Variants in RBFOX1 observed in about 807,000 individuals in gnomAD.
RBFOX1 encodes RNA binding fox-1 homolog 1.
Under a neutral mutation model 57.7 loss-of-function variants are expected in RBFOX1, and 8 were observed. The ratio of observed to expected loss-of-function variants is 0.14; its 90% CI spans 0.08 to 0.25. RBFOX1 has a LOEUF of 0.25. RBFOX1 is among the 10% of genes least tolerant of loss of function. RBFOX1 has a pLI of 1.00. For synonymous variants in RBFOX1, 326 were observed against 222.4 expected (o/e 1.47, Z -4.15); for missense variants, 611 against 548.5 (o/e 1.11, Z -1.14).
At chr16:6,863,534 T>C (rs1341712956) in intron 3 of RBFOX1, among the ~76,000 whole-genome samples, 1 of 151,980 alleles carries the variant, frequency 6.6e-6, no homozygotes, top group Non-Finnish European at 1.5e-5. Context: ...TAATTACAAT[T>C]ATTTTCTGGT....
chr16:5,863,059 C>T (rs1022374163), intron 3 of RBFOX1, among the ~76,000 whole-genome samples: 7 of 152,106 alleles, frequency 4.6e-5, no homozygotes, highest in East Asian at 1.9e-4. Flanking sequence ...CTTTGGAGTT[C>T]GACCTGAGTT....
intron 4 of RBFOX1, among the ~76,000 whole-genome samples, chr16:7,234,942 T>A (rs140938985): frequency 1.3e-5 from 2 of 152,182 alleles, no homozygotes; most frequent in African/African-American, 4.8e-5. Flanking sequence ...TAGACTTGCT[T>A]TTATGCCTGT....
chr16:6,857,896 C>G (rs1451990782), intron 3 of RBFOX1, among the ~76,000 whole-genome samples: 3 of 152,144 alleles, frequency 2.0e-5, no homozygotes, highest in African/African-American at 7.2e-5. Context: ...AGCTAATGAG[C>G]CTATCCCACA....
chr16:7,268,587 G>C (rs2095237730), intron 4 of RBFOX1, among the ~76,000 whole-genome samples: 1 of 152,200 alleles, frequency 6.6e-6, no homozygotes. Context: ...TTATGCGCTG[G>C]ATGGTTTGCA....
chr16:6,045,067 C>T (rs1347028130), intron 1 of RBFOX1, among the ~76,000 whole-genome samples: 1 of 152,170 alleles, frequency 6.6e-6, no homozygotes, highest in African/African-American at 2.4e-5. Context: ...TGGGGCTGTT[C>T]TTAAGCATCC....
At chr16:5,622,701 G>GCTACAATATC (rs1180167685) in intron 3 of RBFOX1, among the ~76,000 whole-genome samples, 1 of 152,202 alleles carries the variant, frequency 6.6e-6, no homozygotes, top group Non-Finnish European at 1.5e-5. Context: ...TGGCTTTCCT[G>GCTACAATATC]CTACAATATC....
intron 13 of RBFOX1, among the ~76,000 whole-genome samples, chr16:7,672,603 C>T (rs1018357252): frequency 2.0e-5 from 3 of 152,006 alleles, no homozygotes; most frequent in African/African-American, 7.2e-5. Context: ...TGGCTCACAC[C>T]TGTAATCCCC....
chr16:7,337,227 C>T (rs551497867), intron 4 of RBFOX1, among the ~76,000 whole-genome samples: 1 of 152,204 alleles, frequency 6.6e-6, no homozygotes, highest in Admixed American at 6.5e-5. Context: ...GTCTTTTATC[C>T]ACCAAGCTAC....
chr16:6,223,306 C>T lies in RBFOX1; in HGVS notation c.-126-93689C>T, dbSNP rs566155079. Among the ~76,000 whole-genome samples the T allele has an allele frequency of 8.3e-3, 1,259 of 150,874 alleles. 17 individuals carry two copies. The highest frequency in any genetic ancestry group is 0.03 in the African/African-American group (1,214 of 41,098). On this transcript the variant is annotated intron_variant, in intron 1 of 15. Transcript: ENST00000550418. ...CTTCCACAATGGTTGAACTAGTTTACAGTCCCAACAACAGTGTAAAAGTGT... is the reference window on the plus strand; with the variant it reads ...CTTCCACAATGGTTGAACTAGTTTATAGTCCCAACAACAGTGTAAAAGTGT...
In RBFOX1 at chr16:5,618,520, G is replaced by A. The variant is rs2048114386; in HGVS notation, c.318+19559G>A. 2.0e-5 allele frequency among the ~76,000 whole-genome samples: 3 copies of A among 152,242 alleles called. No individual in the cohort carries two copies. In the South Asian group the frequency reaches 6.2e-4, roughly 32 times the overall value. On this transcript the variant is annotated intron_variant, in intron 3 of 19. Transcript: ENST00000641259. ...GCCCAGCTAATTTTTTGTATTTTTA[G>A]TAGAGTTGGGGTTTCACCGTGTTAG... is the stretch of plus-strand genomic sequence containing the variant.
At position 6,968,343 on chromosome 16, in the gene RBFOX1, C is replaced by A. The variant is rs1156295093; in HGVS notation, c.-15-83714C>A. ...TGGAAACAATGCAAACATTTCATTT[C>A]TTTTCCTTCTTTTTTCTTCACTTAT... On this transcript the variant is annotated intron_variant, in intron 3 of 15. Transcript: ENST00000550418. 3.9e-5 allele frequency among the ~76,000 whole-genome samples: 6 copies of A among 152,268 alleles called. No homozygotes were observed. The East Asian group carries it at 7.7e-4, about 20-fold the overall frequency.
chr16:5,673,969 G>A (rs906472109), intron 3 of RBFOX1, among the ~76,000 whole-genome samples: 2 of 152,222 alleles, frequency 1.3e-5, no homozygotes, highest in African/African-American at 2.4e-5. Context: ...GATGCATCCA[G>A]GGGAGAGGAA....
At chr16:5,472,809 A>G (rs1387747444) in intron 2 of RBFOX1, among the ~76,000 whole-genome samples, 1 of 152,128 alleles carries the variant, frequency 6.6e-6, no homozygotes, top group African/African-American at 2.4e-5. Context: ...TTGCCATCTG[A>G]TCCTCCATGG....
rs567935995 is a variant in RBFOX1, at chr16:6,831,060, A to T, written c.-16+176410A>T. Among the ~76,000 whole-genome samples, 23 of 152,352 alleles carry T rather than the reference A, an allele frequency of 1.5e-4. No individual in the cohort carries two copies. In the South Asian group the frequency reaches 2.5e-3, roughly 16 times the overall value. On this transcript the variant is annotated intron_variant, in intron 3 of 15. Transcript: ENST00000550418. Reference sequence around the variant, plus strand: ...ATCTCACTCTTTTTGCTCTAATCAAATGTACCTCAACCTCCATCTAAAGTA... The same window carrying T: ...ATCTCACTCTTTTTGCTCTAATCAATTGTACCTCAACCTCCATCTAAAGTA...
At chr16:5,606,197 G>T (rs2047571583) in intron 3 of RBFOX1, among the ~76,000 whole-genome samples, 1 of 151,994 alleles carries the variant, frequency 6.6e-6, no homozygotes, top group Non-Finnish European at 1.5e-5. Flanking sequence ...CTTGGCATTG[G>T]GATACTATCT....
At chr16:7,030,671 A>T (rs567381711) in intron 3 of RBFOX1, among the ~76,000 whole-genome samples, 1 of 151,778 alleles carries the variant, frequency 6.6e-6, no homozygotes, top group Non-Finnish European at 1.5e-5. Context: ...TCCTTACCTT[A>T]TTTACATCTG....
intron 4 of RBFOX1, among the ~76,000 whole-genome samples, chr16:7,198,998 A>G (rs1172109863): frequency 6.6e-6 from 1 of 152,202 alleles, no homozygotes; most frequent in Non-Finnish European, 1.5e-5. Flanking sequence ...GGGAAAGTAG[A>G]AAAGGAGACA....
chr16:6,985,702 C>T (rs1056079008), intron 3 of RBFOX1, among the ~76,000 whole-genome samples: 12 of 152,148 alleles, frequency 7.9e-5, no homozygotes, highest in Admixed American at 3.9e-4. Flanking sequence ...GGCATGGTGT[C>T]AGGTGCCTAT....
At chr16:7,698,720 C>G (rs902626030) in intron 14 of RBFOX1, among the ~76,000 whole-genome samples, 1 of 152,020 alleles carries the variant, frequency 6.6e-6, no homozygotes, top group Non-Finnish European at 1.5e-5. Flanking sequence ...TGGTCCATTT[C>G]CAATAAAGTG....
Sources: gnomAD v4.1 joint callset for allele counts (sites outside exome capture counted in the v4.1 genomes callset) on GRCh38, gnomAD v4.1.1 for gene constraint, MANE v1.5 for transcripts, NCBI Gene and HGNC (gene_info 2026-07-23, HGNC 2026-07-21) for gene names.